Variants in FGF13 observed in about 807,000 individuals in gnomAD.
FGF13 encodes fibroblast growth factor 13.
FGF13 carries 2 observed loss-of-function variants against 19.5 expected under a neutral mutation model. The ratio of observed to expected loss-of-function variants is 0.10; its 90% CI spans 0.04 to 0.32. The LOEUF is 0.32. FGF13 is among the 10% of genes least tolerant of loss of function. The pLI, the probability that FGF13 is intolerant of heterozygous loss-of-function variation, is 1.00. For synonymous variants in FGF13, 72 were observed against 76.9 expected (o/e 0.94, Z 0.33); for missense variants, 113 against 192.7 (o/e 0.59, Z 2.45).
At chrX:139,098,445 A>C (rs1182215884) in intron 1 of FGF13, among the ~76,000 whole-genome samples, 2 of 111,667 alleles carry the variant, frequency 1.8e-5, no homozygotes, top group African/African-American at 6.5e-5. Flanking sequence ...AGCACTATTC[A>C]TAATAGTAAA....
chrX:139,005,160 A>G (rs995979193), intron 1 of FGF13, among the ~76,000 whole-genome samples: 1 of 80,542 alleles, frequency 1.2e-5, no homozygotes, highest in Admixed American at 1.8e-4. Context: ...GGAGAAGCCC[A>G]CTGGCGTTGA....
At position 139,092,792 on chromosome X, in the gene FGF13, C is replaced by T. The variant is rs978598988; in HGVS notation, c.-113+110624G>A. Reference sequence around the variant, plus strand: ...ATTAGTCCTTGGCACTGCATGTTTACTTTTGACCTACTCAGAGCAATCTGC... The same window carrying T: ...ATTAGTCCTTGGCACTGCATGTTTATTTTTGACCTACTCAGAGCAATCTGC... On this transcript the variant is annotated intron_variant, in intron 1 of 2. Transcript: ENST00000421460. Among the ~76,000 whole-genome samples, 15 of 111,641 alleles carry T rather than the reference C, an allele frequency of 1.3e-4. No homozygotes were observed. In the Admixed American group the frequency reaches 1.4e-3, roughly 11 times the overall value.
chrX:138,815,771 T>A (rs1013307903), intron 3 of FGF13, among the ~76,000 whole-genome samples: 5 of 108,879 alleles, frequency 4.6e-5, no homozygotes, highest in Non-Finnish European at 9.6e-5. Flanking sequence ...AAAGTATAAT[T>A]TAAAAAAAAA....
At chrX:138,836,631 T>C (rs1458150685) in intron 3 of FGF13, among the ~76,000 whole-genome samples, 1 of 111,958 alleles carries the variant, frequency 8.9e-6, no homozygotes, top group East Asian at 2.8e-4. Context: ...TGGGTTACAA[T>C]GTACTCCTTT....
intron 1 of FGF13, among the ~76,000 whole-genome samples, chrX:139,117,651 T>C (rs762465502): frequency 2.9e-4 from 32 of 111,718 alleles, no homozygotes; most frequent in Non-Finnish European, 3.4e-4. Flanking sequence ...CACACTCTCC[T>C]GTTAATTCCT....
rs1400009621 is a variant in FGF13, at chrX:138,629,665, T to A, written c.*3185A>T. On this transcript the variant is annotated 3_prime_UTR_variant, in exon 5 of 5. Transcript: ENST00000315930. ...CAATTAAACCTCTTTCCTTTATAAA[T>A]TACCCAGTCTCAGGTAGTATCTTTA... 1 of 111,759 alleles carries A rather than the reference T, an allele frequency of 8.9e-6. No individual in the cohort carries two copies. The highest frequency in any genetic ancestry group is 2.8e-4 in the East Asian group (1 of 3,555). 9.2% of individuals were successfully genotyped at this position (111,759 alleles called of 1,213,427 possible).
At chrX:139,204,731 A>C (rs2084452769), upstream of FGF13, among the ~76,000 whole-genome samples, 1 of 113,493 alleles carries the variant, frequency 8.8e-6, no homozygotes, top group Admixed American at 9.2e-5. Context: ...AAATGTTTGA[A>C]CATGTGATGA....
chrX:139,127,705 T>C lies in FGF13; in HGVS notation c.-113+75711A>G, dbSNP rs1225483925. Among the ~76,000 whole-genome samples, 3 of 111,687 alleles carry C rather than the reference T, an allele frequency of 2.7e-5. No homozygotes were observed. In the East Asian group the frequency reaches 8.5e-4, roughly 32 times the overall value. The stretch of plus-strand genomic sequence containing the variant: ...GGGCTAAGGAGAATGACATGCCAAA[T>C]ACCCCTTAACTTATTTTTCAGCACA... On this transcript the variant is annotated intron_variant, in intron 1 of 2. Coordinates refer to the FGF13 transcript ENST00000421460.
intron 1 of FGF13, among the ~76,000 whole-genome samples, chrX:139,050,967 C>T (rs977315974): frequency 9.0e-5 from 10 of 111,715 alleles, no homozygotes; most frequent in East Asian, 2.8e-4. Context: ...CAGTCTGATT[C>T]GATAAACTTT....
chrX:138,978,360 T>A (rs1477635710), intron 1 of FGF13, among the ~76,000 whole-genome samples: 1 of 104,849 alleles, frequency 9.5e-6, no homozygotes, highest in Admixed American at 1.0e-4. Context: ...CCTCCCGGGT[T>A]CACGCCATTC....
chrX:138,818,998 T>C (rs181563355), intron 3 of FGF13, among the ~76,000 whole-genome samples: 177 of 111,100 alleles, frequency 1.6e-3, no homozygotes, highest in African/African-American at 5.6e-3. Flanking sequence ...TTCTCTGGCC[T>C]CTCCCAGCTC....
In FGF13 at chrX:138,627,755, A is replaced by C; in HGVS notation, c.*5095T>G. 1 of 110,701 alleles carries C rather than the reference A, an allele frequency of 9.0e-6. No homozygotes were observed. The highest frequency in any genetic ancestry group is 3.8e-4 in the South Asian group (1 of 2,609). 9.1% of individuals were successfully genotyped at this position (110,701 alleles called of 1,213,427 possible). On this transcript the variant is annotated 3_prime_UTR_variant, in exon 5 of 5. Coordinates refer to ENST00000315930, the MANE Select transcript of FGF13 (RefSeq NM_004114.5). Reference sequence around the variant, plus strand: ...TTAGTTTACAATTCTAAAACTGAAAATCATCCACATTGTGTGTTCTAGAAA... The same window carrying C: ...TTAGTTTACAATTCTAAAACTGAAACTCATCCACATTGTGTGTTCTAGAAA...
intron 1 of FGF13, among the ~76,000 whole-genome samples, chrX:138,938,027 GAGA>G (rs779826334): frequency 1.8e-5 from 2 of 111,673 alleles, no homozygotes; most frequent in African/African-American, 3.3e-5. Context: ...TAAAGAGACT[GAGA>G]AGGAGTGGCC....
Position 138,833,992 on chromosome X carries a change from A to C in FGF13, c.217+23520T>G, listed in dbSNP as rs775124745. Among the ~76,000 whole-genome samples the C allele has an allele frequency of 1.6e-3, 176 of 111,939 alleles. 2 individuals carry two copies. Among genetic ancestry groups the C allele is most frequent in the African/African-American group, 5.3e-3 (163 of 30,819 alleles). On this transcript the variant is annotated intron_variant, in intron 3 of 6. Transcript: ENST00000436198. ...TTTGTGTATGCTGAACCAACCTTGC[A>C]TCCCAGATATAAAGCCTACTTGATC... is the stretch of plus-strand genomic sequence containing the variant.
chrX:138,713,619 T>C (rs927955503), upstream of FGF13, among the ~76,000 whole-genome samples: 6 of 111,566 alleles, frequency 5.4e-5, no homozygotes, highest in African/African-American at 2.0e-4. Context: ...GAAGAAGAGA[T>C]GGTATTGAGA....
intron 1 of FGF13, among the ~76,000 whole-genome samples, chrX:138,913,805 T>A (rs2091604682): frequency 9.0e-6 from 1 of 110,555 alleles, no homozygotes. Flanking sequence ...ATTAGAAGAA[T>A]TTTTTGTTTT....
intron 3 of FGF13, among the ~76,000 whole-genome samples, chrX:138,653,424 GTAAT>G (rs762215450): frequency 3.0e-4 from 33 of 111,340 alleles, no homozygotes; most frequent in Admixed American, 1.7e-3. Flanking sequence ...TTAATTATTA[GTAAT>G]TAATTATTAA....
rs1048636020 is a variant in FGF13, at chrX:138,753,780, T to A, written c.218-44852A>T. On this transcript the variant is annotated intron_variant, in intron 3 of 6. Transcript: ENST00000436198. Reference sequence around the variant, plus strand: ...ACAGTTAACAAGAATAGTTCTAGTCTACTAAATGGCAGCATTCTTGTTGAC... The same window carrying A: ...ACAGTTAACAAGAATAGTTCTAGTCAACTAAATGGCAGCATTCTTGTTGAC... Among the ~76,000 whole-genome samples, 4 of 112,447 alleles carry A rather than the reference T, an allele frequency of 3.6e-5. No individual in the cohort carries two copies. In the East Asian group the frequency reaches 1.1e-3, roughly 31 times the overall value.
intron 3 of FGF13, among the ~76,000 whole-genome samples, chrX:138,636,615 G>A (rs1277021618): frequency 8.9e-6 from 1 of 112,154 alleles, no homozygotes; most frequent in Admixed American, 9.4e-5. Context: ...AATCCATAGA[G>A]TAGCAAAGGG....
Sources: allele counts gnomAD v4.1 joint callset (sites outside exome capture counted in the v4.1 genomes callset), GRCh38; gene constraint gnomAD v4.1.1; transcripts MANE v1.5; gene names NCBI Gene and HGNC (gene_info 2026-07-23, HGNC 2026-07-21).